KIAA1549: variants seen among roughly 807,000 people sequenced by gnomAD.
KIAA1549 encodes the protein UPF0606 protein KIAA1549.
Under a neutral mutation model 156.4 loss-of-function variants are expected in KIAA1549, and 70 were observed. The observed-to-expected ratio is 0.45, with a 90% CI of 0.37 to 0.55. The LOEUF is 0.55. Ranked by LOEUF, KIAA1549 falls within the 20% of genes least tolerant of loss-of-function variation. The pLI is 0.00. For synonymous variants in KIAA1549, 1,103 were observed against 1,066.4 expected (o/e 1.03, Z -0.67); for missense variants, 2,428 against 2,540.9 (o/e 0.96, Z 0.96).
rs769434541 is a variant in KIAA1549 at position 138,918,129 on chromosome 7, T to G, written c.1497A>C (p.Glu499Asp). 33 of 1,613,850 alleles carry G rather than the reference T, an allele frequency of 2.0e-5. No homozygotes were observed. The highest frequency in any genetic ancestry group is 1.6e-4 in the Middle Eastern group (1 of 6,084). The stretch of plus-strand genomic sequence containing the variant: ...AAATGCCAACACTCGTCTCTGAGAT[T>G]TCCATGGATCTAGAAGAAAGTGGGA... ...PIVPLSSRSM[E>D]ISETSVGISA... Residue 499 changes from glutamate to aspartate, a missense_variant, in exon 2 of 20, where the codon GAA becomes GAC. Transcript: ENST00000422774. This position sits in a 1 kb window ranked among gnomAD's most constrained non-coding sequence, Gnocchi z 4.2.
At chr7:138,883,998 C>T (rs1811320457) in intron 10 of KIAA1549, among the ~76,000 whole-genome samples, 1 of 152,176 alleles carries the variant, frequency 6.6e-6, no homozygotes, top group Non-Finnish European at 1.5e-5. Context: ...GAGCCCCAGG[C>T]ATGATACAAG....
chr7:138,886,547 G>A (rs1213364017), intron 10 of KIAA1549, among the ~76,000 whole-genome samples: 1 of 152,172 alleles, frequency 6.6e-6, no homozygotes, highest in African/African-American at 2.4e-5. Flanking sequence ...AAAGCGCTGG[G>A]ACTACAGACG....
intron 10 of KIAA1549, among the ~76,000 whole-genome samples, chr7:138,890,669 A>C (rs1811521135): frequency 6.6e-6 from 1 of 152,208 alleles, no homozygotes; most frequent in African/African-American, 2.4e-5. Context: ...ACCTTTGCAG[A>C]GAATCAAACA....
At chr7:138,851,098 C>T (rs587597681) in intron 17 of KIAA1549, among the ~76,000 whole-genome samples, 14 of 152,150 alleles carry the variant, frequency 9.2e-5, no homozygotes, top group African/African-American at 3.1e-4. Flanking sequence ...TGCTCATAAG[C>T]CAAATACATT....
rs188504373 is a variant in KIAA1549, at chr7:138,887,153, G to A, written c.4033-5569C>T. On this transcript the variant is annotated intron_variant, in intron 10 of 19. Coordinates refer to ENST00000422774, the MANE Select transcript of KIAA1549 (RefSeq NM_001164665.2). ...TCAAACTCCTGACCTTAGGTTATCC[G>A]CCTGCTTCAGCCTCCCAAAGTGCTG... Among the ~76,000 whole-genome samples the A allele has an allele frequency of 7.4e-3, 1,123 of 151,842 alleles. 21 individuals carry two copies. The highest frequency in any genetic ancestry group is 0.026 in the African/African-American group (1,056 of 41,392).
chr7:138,892,682 T>G (rs76163942), intron 10 of KIAA1549, among the ~76,000 whole-genome samples: 5,396 of 152,316 alleles, frequency 0.035, 334 homozygotes, highest in African/African-American at 0.12. Flanking sequence ...TTTGCATTTT[T>G]TTGTTAATTC....
At chr7:138,858,850 C>CA (rs1407071155) in intron 16 of KIAA1549, among the ~76,000 whole-genome samples, 1 of 151,910 alleles carries the variant, frequency 6.6e-6, no homozygotes, top group African/African-American at 2.4e-5. Context: ...ACTAAAAATA[C>CA]AAAAAATTAG....
chr7:138,868,604 CT>C (rs1810824269), intron 14 of KIAA1549, among the ~76,000 whole-genome samples: 1 of 152,046 alleles, frequency 6.6e-6, no homozygotes, highest in African/African-American at 2.4e-5. Flanking sequence ...ATTTTTGTAT[CT>C]TTAGTAGAGA....
At chr7:138,911,042 CA>C (rs1315206719) in intron 4 of KIAA1549, 103 bp downstream of exon 4, 1 of 919,476 alleles carries the variant, frequency 1.1e-6, no homozygotes, top group East Asian at 2.7e-5. Flanking sequence ...TAAAAATCAT[CA>C]TCATAATAAT....
chr7:138,962,043 C>G (rs1002403861), intron 1 of KIAA1549, among the ~76,000 whole-genome samples: 7 of 152,138 alleles, frequency 4.6e-5, no homozygotes, highest in Non-Finnish European at 8.8e-5. Context: ...TGCAAGGATG[C>G]ACTGGAGTGT....
At chr7:138,909,202 CG>C in intron 4 of KIAA1549, 81 bp from the exon 5 acceptor site, 1 of 1,424,468 alleles carries the variant, frequency 7.0e-7, no homozygotes, top group Non-Finnish European at 9.7e-7. Context: ...AGAGAAACAT[CG>C]TATCTAAATC....
rs1490338828 is a variant in KIAA1549, at chr7:138,861,377, G to T, written c.5009C>A (p.Ala1670Asp). ...LGRYPALPFP[A>D]SQYIPPQPSI... is the part of the protein sequence containing the mutation. Reference sequence around the variant, plus strand: ...CGGCTGGGGTGGGATGTACTGGGAGGCCGGGAAGGGAAGGGCTGGATACCT... The same window carrying T: ...CGGCTGGGGTGGGATGTACTGGGAGTCCGGGAAGGGAAGGGCTGGATACCT... The change falls in exon 16 of 20, where the codon GCC becomes GAC. Residue 1670 changes from alanine to aspartate, a missense_variant. Ala to Asp is a moderately radical substitution (Grantham distance 126). Transcript: ENST00000422774. 1.9e-6 allele frequency: 3 copies of T among 1,611,434 alleles called. No individual in the cohort carries two copies. The highest frequency in any genetic ancestry group is 2.5e-6 in the Non-Finnish European group (3 of 1,179,214).
rs775250591 is a variant in KIAA1549 at position 138,907,060 on chromosome 7, G to A, written c.3319C>T (p.Arg1107Trp). The A allele has an allele frequency of 4.3e-5, 70 of 1,611,424 alleles. No individual in the cohort carries two copies. The highest frequency in any genetic ancestry group is 5.4e-5 in the Non-Finnish European group (64 of 1,179,002). Residue 1107 changes from arginine to tryptophan, a missense_variant, in exon 6 of 20, where the codon CGG becomes TGG. By Grantham distance (101) the Arg-to-Trp change is moderately radical. Transcript: ENST00000422774. The part of the protein sequence containing the change: ...TISSSRVTPR[R>W]GPVNIIFAVK... ...GCAAAGATGATATTCACCGGGCCCCGCCGAGGAGTCACCCTTGAGGAACTG... is the reference window on the plus strand; with the variant it reads ...GCAAAGATGATATTCACCGGGCCCCACCGAGGAGTCACCCTTGAGGAACTG...
rs1809703460 is a variant in KIAA1549 at position 138,836,260 on chromosome 7, T to A, written c.*1646A>T. 1 of 203,200 alleles carries A rather than the reference T, an allele frequency of 4.9e-6. No individual in the cohort carries two copies. The highest frequency in any genetic ancestry group is 1.0e-5 in the Non-Finnish European group (1 of 99,060). The allele number at this position is 203,200 out of a possible 1,614,324, so 12.6% of individuals were successfully genotyped here. A position where few individuals can be genotyped will look rare whatever the true frequency, so the allele number is the denominator to read the frequency against. On this transcript the variant is annotated 3_prime_UTR_variant, in exon 20 of 20. Transcript: ENST00000422774. ...TATAAAATTGTATTTTTACCATACC[T>A]TTTCTATGTTTAGCTATGTTTAGAT...
intron 1 of KIAA1549, among the ~76,000 whole-genome samples, chr7:138,959,033 G>C (rs1813757922): frequency 6.6e-6 from 1 of 152,036 alleles, no homozygotes; most frequent in South Asian, 2.1e-4. Flanking sequence ...CCGAGTAGCT[G>C]GGATTGCAGG....
intron 7 of KIAA1549, among the ~76,000 whole-genome samples, chr7:138,904,550 T>C (rs1291915532): frequency 6.6e-6 from 1 of 151,658 alleles, no homozygotes; most frequent in Non-Finnish European, 1.5e-5. Flanking sequence ...GTTCAGACTT[T>C]TGTGCACTAG....
chr7:138,919,075 C>T lies in KIAA1549; in HGVS notation c.551G>A (p.Gly184Glu). Residue 184 changes from glycine to glutamate, a missense_variant, in exon 2 of 20, where the codon GGG (glycine) becomes GAG (glutamate). Gly to Glu is a moderately conservative substitution (Grantham distance 98). This residue lies in a region of KIAA1549 where 893 missense variants were observed against 847.9 expected (regional missense o/e 1.05). Coordinates refer to ENST00000422774, the MANE Select transcript of KIAA1549 (RefSeq NM_001164665.2). ...PIQYITVSPPGLPREALEPML... is the reference protein window; with the variant it reads ...PIQYITVSPPELPREALEPML... ...AGGTTCTAATGCTTCCCTGGGCAGCCCTGGTGGGCTGACTGTGATATACTG... is the reference window on the plus strand; with the variant it reads ...AGGTTCTAATGCTTCCCTGGGCAGCTCTGGTGGGCTGACTGTGATATACTG... 6.2e-7 allele frequency: 1 copy of T among 1,613,966 alleles called. No homozygotes were observed. Among genetic ancestry groups the T allele is most frequent in the Non-Finnish European group, 8.5e-7 (1 of 1,179,876 alleles).
At chr7:138,887,758 T>G (rs1248631338) in intron 10 of KIAA1549, among the ~76,000 whole-genome samples, 1 of 152,280 alleles carries the variant, frequency 6.6e-6, no homozygotes, top group East Asian at 1.9e-4. Flanking sequence ...TGGTATGGTT[T>G]GCTTTCTCTC....
chr7:138,832,371 A>T lies in KIAA1549; in HGVS notation c.*5535T>A, dbSNP rs1343055125. 5 of 190,054 alleles carry T rather than the reference A, an allele frequency of 2.6e-5. No homozygotes were observed. The highest frequency in any genetic ancestry group is 2.5e-4 in the East Asian group (3 of 11,986). The allele number at this position is 190,054 out of a possible 1,614,324, so 11.8% of individuals were successfully genotyped here. ...GCCACCATGCTCAGCTAATTTTTAA[A>T]TTTTTTTTGTAGAGACGGGGTCTCG... On this transcript the variant is annotated 3_prime_UTR_variant, in exon 20 of 20. Coordinates refer to ENST00000422774, the MANE Select transcript of KIAA1549 (RefSeq NM_001164665.2).
Sources: gnomAD v4.1 joint callset for allele counts (sites outside exome capture counted in the v4.1 genomes callset) on GRCh38, gnomAD v4.1.1 for gene constraint, gnomAD v4.1.1 regional missense constraint, Gnocchi (gnomAD v3.1) non-coding constraint, MANE v1.5 for transcripts, NCBI Gene and HGNC (gene_info 2026-07-23, HGNC 2026-07-21) for gene names.